CDH11: variants seen among roughly 807,000 people sequenced by gnomAD.
CDH11 encodes the protein cadherin 11.
CDH11 carries 11 observed loss-of-function variants against 67.8 expected under a neutral mutation model. The observed-to-expected ratio is 0.16, with a 90% CI of 0.10 to 0.27. The LOEUF (loss-of-function observed/expected upper bound fraction) is 0.27. Among genes scored for constraint, CDH11 ranks in the 10% least tolerant of loss-of-function variants. The pLI is 1.00. For missense variants in CDH11, 847 were observed against 1,031.2 expected, an observed-to-expected ratio of 0.82 and a Z score of 2.45; for synonymous variants, 419 against 400.0, an observed-to-expected ratio of 1.05 and a Z score of -0.57.
intron 6 of CDH11, among the ~76,000 whole-genome samples, chr16:64,990,277 T>C (rs560776674): frequency 2.0e-5 from 3 of 152,302 alleles, no homozygotes; most frequent in East Asian, 3.9e-4. Flanking sequence ...TTGAATGTTA[T>C]ATGAGCCTCA....
Position 65,067,616 on chromosome 16 carries a change from T to C in CDH11, c.-297-13688A>G, listed in dbSNP as rs1451501696. ...TGGAGCTCATTCATTGTTTTTACTT[T>C]TTAAATAATTGTATATCAAGTATTT... On this transcript the variant is annotated intron_variant, in intron 1 of 12. Transcript: ENST00000268603. Among the ~76,000 whole-genome samples the C allele has an allele frequency of 3.3e-5, 5 of 152,190 alleles. No homozygotes were observed. In the East Asian group the frequency reaches 7.7e-4, roughly 24 times the overall value.
At position 64,946,720 on chromosome 16, in the gene CDH11, T is replaced by C. The variant is rs1432575996; in HGVS notation, c.*883A>G. On this transcript the variant is annotated 3_prime_UTR_variant, in exon 13 of 13. Transcript: ENST00000268603. ...TAAAAGATCACAATTAAATTAGAAA[T>C]ATAAATGGATCATTAGAAATACTTA... The C allele has an allele frequency of 3.6e-5, 33 of 912,798 alleles. No homozygotes were observed. The highest frequency in any genetic ancestry group is 1.3e-6 in the Non-Finnish European group (1 of 752,202). 56.5% of individuals were successfully genotyped at this position (912,798 alleles called of 1,614,324 possible). A position where few individuals can be genotyped will look rare whatever the true frequency, so the allele number is the denominator to read the frequency against.
At chr16:64,979,794 C>A (rs1239717577) in intron 8 of CDH11, among the ~76,000 whole-genome samples, 1 of 152,058 alleles carries the variant, frequency 6.6e-6, no homozygotes, top group Non-Finnish European at 1.5e-5. Context: ...TCTGTCATAG[C>A]CAAGTTTGGA....
At chr16:65,052,408 T>C (rs776013104) in intron 2 of CDH11, among the ~76,000 whole-genome samples, 8 of 152,182 alleles carry the variant, frequency 5.3e-5, no homozygotes, top group South Asian at 2.1e-4. Context: ...TCCTTAGAGA[T>C]AGTGAAGTCC....
At chr16:65,111,488 A>T (rs151094310) in intron 1 of CDH11, among the ~76,000 whole-genome samples, 1 of 152,142 alleles carries the variant, frequency 6.6e-6, no homozygotes, top group African/African-American at 2.4e-5. Flanking sequence ...ACGGCAGCAC[A>T]TAAGGAAAAA....
At position 64,947,457 on chromosome 16, in the gene CDH11, C is replaced by A; in HGVS notation, c.*146G>T. On this transcript the variant is annotated 3_prime_UTR_variant, in exon 13 of 13. Transcript: ENST00000268603. Reference sequence around the variant, plus strand: ...AGTATTTACCACTTTGATGTCCTCGCAGTTTTATTAAATGTATCCTCTCTG... The same window carrying A: ...AGTATTTACCACTTTGATGTCCTCGAAGTTTTATTAAATGTATCCTCTCTG... 6.8e-7 allele frequency: 1 copy of A among 1,462,912 alleles called. No homozygotes were observed. Among genetic ancestry groups the A allele is most frequent in the South Asian group, 1.5e-5 (1 of 67,014 alleles). The allele number at this position is 1,462,912 out of a possible 1,614,324, so 90.6% of individuals were successfully genotyped here. A position where few individuals can be genotyped will look rare whatever the true frequency, so the allele number is the denominator to read the frequency against.
At position 64,947,198 on chromosome 16, in the gene CDH11, G is replaced by A; in HGVS notation, c.*405C>T. ...ACATATAGAGTGTCCAGAGTTTAAGGCGAAATTACAGCTCAGAACTGTTGT... is the reference window on the plus strand; with the variant it reads ...ACATATAGAGTGTCCAGAGTTTAAGACGAAATTACAGCTCAGAACTGTTGT... On this transcript the variant is annotated 3_prime_UTR_variant, in exon 13 of 13. Transcript: ENST00000268603. 6.5e-6 allele frequency: 7 copies of A among 1,077,078 alleles called. No individual in the cohort carries two copies. The highest frequency in any genetic ancestry group is 7.9e-6 in the Non-Finnish European group (7 of 884,752). The allele number at this position is 1,077,078 out of a possible 1,614,324, so 66.7% of individuals were successfully genotyped here.
At chr16:64,964,884 C>T (rs2142406703) in intron 11 of CDH11, among the ~76,000 whole-genome samples, 1 of 152,066 alleles carries the variant, frequency 6.6e-6, no homozygotes, top group South Asian at 2.1e-4. Context: ...TTAGGCTACA[C>T]TAAACTTATA....
chr16:65,087,099 G>T (rs910863454), intron 1 of CDH11, among the ~76,000 whole-genome samples: 8 of 152,166 alleles, frequency 5.3e-5, no homozygotes, highest in Admixed American at 3.3e-4. Context: ...GGAGTTAGGT[G>T]TGAATTGGAA....
At chr16:64,975,787 C>A (rs193131118) in intron 8 of CDH11, among the ~76,000 whole-genome samples, 93 of 152,078 alleles carry the variant, frequency 6.1e-4, no homozygotes, top group Middle Eastern at 3.4e-3. Context: ...ATCAATCATA[C>A]CCCCAACCTC....
intron 6 of CDH11, 125 bp from the exon 7 acceptor site, chr16:64,988,469 A>T: frequency 2.4e-6 from 2 of 849,362 alleles, no homozygotes; most frequent in African/African-American, 1.7e-5. Context: ...GACTGAAAAC[A>T]TGAAAGAAGT....
chr16:64,984,978 G>A (rs750681318), intron 7 of CDH11: 2 of 152,210 alleles, frequency 1.3e-5, no homozygotes, highest in Non-Finnish European at 2.9e-5. Context: ...CTCTGACACT[G>A]CTTTTCAAGG....
intron 8 of CDH11, among the ~76,000 whole-genome samples, chr16:64,980,666 T>G (rs2072309857): frequency 6.6e-6 from 1 of 152,156 alleles, no homozygotes; most frequent in Non-Finnish European, 1.5e-5. Context: ...TGAATGAGGT[T>G]AGATTATTTT....
Position 64,982,156 on chromosome 16 carries a change from A to G in CDH11, c.1145T>C (p.Met382Thr). ...GTGGATGTAACTTGGGGCCAAGAAC[A>G]TAGGGGGCTCATCAGCATCTTCTAC... ...ISVEDADEPP[M>T]FLAPSYIHEV... Residue 382 changes from methionine (M) to threonine (T), a missense_variant, in exon 8 of 13, where the codon ATG (methionine) becomes ACG (threonine). Physicochemically the swap from Met to Thr is moderately conservative, Grantham distance 81. Around this residue, in one of 2 missense-constraint regions of CDH11, gnomAD observed 612 missense variants for 678.7 expected, o/e 0.90. Transcript: ENST00000268603. 1.9e-6 allele frequency: 3 copies of G among 1,614,082 alleles called. No individual in the cohort carries two copies. The South Asian group carries it at 3.3e-5, about 18-fold the overall frequency.
intron 1 of CDH11, chr16:65,118,990 T>C (rs906214458): frequency 6.6e-6 from 1 of 152,196 alleles, no homozygotes; most frequent in African/African-American, 2.4e-5. Flanking sequence ...GTTTACCAAC[T>C]TCATAAGTTA....
intron 8 of CDH11, among the ~76,000 whole-genome samples, chr16:64,973,700 G>A (rs74500962): frequency 0.013 from 2,020 of 152,134 alleles, 42 homozygotes; most frequent in African/African-American, 0.046. Flanking sequence ...CCAGTTACTC[G>A]GGAGGCTGAG....
At chr16:64,987,204 G>C (rs909356056) in intron 7 of CDH11, 4 of 152,164 alleles carry the variant, frequency 2.6e-5, no homozygotes, top group Non-Finnish European at 5.9e-5. Flanking sequence ...AACCTTTTTA[G>C]AATGTACGGG....
intron 1 of CDH11, among the ~76,000 whole-genome samples, chr16:65,078,388 A>G (rs1361027122): frequency 1.3e-5 from 2 of 152,208 alleles, no homozygotes; most frequent in Non-Finnish European, 2.9e-5. Context: ...GGCATCAGGC[A>G]TATGTGATAT....
intron 11 of CDH11, among the ~76,000 whole-genome samples, chr16:64,970,192 T>C (rs2071965574): frequency 6.6e-6 from 1 of 152,156 alleles, no homozygotes; most frequent in African/African-American, 2.4e-5. Flanking sequence ...AAGGCTGTCA[T>C]AACACCTAGG....
Sources: allele counts gnomAD v4.1 joint callset (sites outside exome capture counted in the v4.1 genomes callset), GRCh38; gene constraint gnomAD v4.1.1; regional missense constraint gnomAD v4.1.1; transcripts MANE v1.5; gene names NCBI Gene and HGNC (gene_info 2026-07-23, HGNC 2026-07-21).